CDKAL1: variants seen among roughly 807,000 people sequenced by gnomAD.
CDKAL1 encodes CDKAL1 threonylcarbamoyladenosine tRNA methylthiotransferase, also known as threonylcarbamoyladenosine tRNA methylthiotransferase.
A neutral mutation model predicts 68.2 loss-of-function variants in CDKAL1; 32 were observed. That is an observed-to-expected ratio of 0.47 (90% CI 0.35 to 0.63). The LOEUF (loss-of-function observed/expected upper bound fraction) is 0.63, where lower values mean the gene tolerates loss of function less well. CDKAL1 is among the 30% of genes least tolerant of loss of function. CDKAL1 has a pLI of 0.00. For missense variants in CDKAL1, 606 were observed against 696.7 expected (o/e 0.87, Z 1.47); for synonymous variants, 234 against 244.3 (o/e 0.96, Z 0.39).
chr6:20,783,444 C>A (rs1775519996), intron 8 of CDKAL1, among the ~76,000 whole-genome samples: 2 of 152,066 alleles, frequency 1.3e-5, no homozygotes. Context: ...TTTGTCACTC[C>A]CTACTTCACA....
chr6:20,969,032 T>C (rs1000748934), intron 10 of CDKAL1, among the ~76,000 whole-genome samples: 6 of 152,176 alleles, frequency 3.9e-5, no homozygotes, highest in Admixed American at 2.6e-4. Flanking sequence ...TTGAATAATA[T>C]AACGTGGCAG....
intron 13 of CDKAL1, among the ~76,000 whole-genome samples, chr6:21,151,703 A>G (rs1466333032): frequency 6.6e-6 from 1 of 152,132 alleles, no homozygotes; most frequent in Non-Finnish European, 1.5e-5. Flanking sequence ...TTTTTGGCAT[A>G]TATTCACATT....
intron 13 of CDKAL1, among the ~76,000 whole-genome samples, chr6:21,177,753 A>G (rs551434295): frequency 6.6e-6 from 1 of 152,176 alleles, no homozygotes; most frequent in South Asian, 2.1e-4. Flanking sequence ...AGGAAATTGA[A>G]GAATCATTAT....
At chr6:20,959,692 G>A (rs919346544) in intron 10 of CDKAL1, among the ~76,000 whole-genome samples, 4 of 151,956 alleles carry the variant, frequency 2.6e-5, no homozygotes, top group East Asian at 3.9e-4. Flanking sequence ...CTAATATATC[G>A]CCCCTGTAGT....
intron 10 of CDKAL1, among the ~76,000 whole-genome samples, chr6:20,992,732 T>C (rs1766897040): frequency 6.6e-6 from 1 of 151,594 alleles, no homozygotes. Context: ...TGAGACCCCG[T>C]CTCTAGGAAA....
intron 8 of CDKAL1, among the ~76,000 whole-genome samples, chr6:20,790,528 C>T (rs1207401685): frequency 6.6e-6 from 1 of 152,146 alleles, no homozygotes. Flanking sequence ...TTCGTGGCCA[C>T]TTTGCCAACC....
intron 9 of CDKAL1, among the ~76,000 whole-genome samples, chr6:20,922,502 G>A (rs781754709): frequency 4.6e-5 from 7 of 152,144 alleles, no homozygotes; most frequent in Admixed American, 1.3e-4. Context: ...GGATAGATAC[G>A]TGTATGGGTG....
chr6:21,185,436 T>A (rs1777970760), intron 13 of CDKAL1, among the ~76,000 whole-genome samples: 1 of 152,222 alleles, frequency 6.6e-6, no homozygotes, highest in Non-Finnish European at 1.5e-5. Context: ...CCTGGAAGAA[T>A]TTTTAAATTA....
intron 5 of CDKAL1, among the ~76,000 whole-genome samples, chr6:20,659,002 T>TA (rs1256059699): frequency 7.9e-5 from 12 of 151,272 alleles, no homozygotes; most frequent in African/African-American, 2.9e-4. Context: ...TTATTATTAT[T>TA]TTTTTTTAGT....
At chr6:20,727,413 G>T (rs1392539737) in intron 5 of CDKAL1, among the ~76,000 whole-genome samples, 1 of 152,122 alleles carries the variant, frequency 6.6e-6, no homozygotes, top group Non-Finnish European at 1.5e-5. Flanking sequence ...AGAATTTGGG[G>T]CTTATATCCC....
At chr6:20,568,833 T>C (rs180717671) in intron 4 of CDKAL1, among the ~76,000 whole-genome samples, 1 of 152,132 alleles carries the variant, frequency 6.6e-6, no homozygotes, top group Admixed American at 6.5e-5. Context: ...ATGCTGCCAC[T>C]CTGCCCCCTC....
At chr6:20,593,467 T>G (rs974143634) in intron 4 of CDKAL1, among the ~76,000 whole-genome samples, 10 of 152,202 alleles carry the variant, frequency 6.6e-5, no homozygotes, top group South Asian at 4.1e-4. Flanking sequence ...TAGAGATATT[T>G]ATAGTATTCT....
chr6:21,201,243 T>C lies in CDKAL1; in HGVS notation c.1517T>C (p.Leu506Pro), dbSNP rs1206805399. 1 of 1,611,196 alleles carries C rather than the reference T, an allele frequency of 6.2e-7. No individual in the cohort carries two copies. Among genetic ancestry groups the C allele is most frequent in the Non-Finnish European group, 8.5e-7 (1 of 1,177,754 alleles). Residue 506 changes from leucine (L) to proline (P), a missense_variant, in exon 15 of 16, where the codon CTA (leucine) becomes CCA (proline). Coordinates refer to ENST00000274695, the MANE Select transcript of CDKAL1 (RefSeq NM_017774.3). ...TACACGCCCTCCATCAGCAAACCGC[T>C]AGCAAAGGGAGAAGTCTCGGGTTTG... ...KVYTPSISKPLAKGEVSGLTK... is the reference protein window; with the variant it reads ...KVYTPSISKPPAKGEVSGLTK...
At position 20,999,889 on chromosome 6, in the gene CDKAL1, G is replaced by C. The variant is rs139416073; in HGVS notation, c.910-338G>C. Reference sequence around the variant, plus strand: ...TCCCACAAATGTAACAAGGCAGAATGTAAAACTCCTTGGAAGTGAAGTAGA... The same window carrying C: ...TCCCACAAATGTAACAAGGCAGAATCTAAAACTCCTTGGAAGTGAAGTAGA... On this transcript the variant is annotated intron_variant, in intron 10 of 15. Coordinates refer to ENST00000274695, the MANE Select transcript of CDKAL1 (RefSeq NM_017774.3). Among the ~76,000 whole-genome samples the C allele has an allele frequency of 1.6e-4, 24 of 152,268 alleles. No individual in the cohort carries two copies. The East Asian group carries it at 2.5e-3, about 16-fold the overall frequency.
At chr6:20,729,886 T>C (rs1772829022) in intron 5 of CDKAL1, among the ~76,000 whole-genome samples, 1 of 152,224 alleles carries the variant, frequency 6.6e-6, no homozygotes, top group Non-Finnish European at 1.5e-5. Flanking sequence ...TGTTTCCTTT[T>C]TGCTGCTACA....
chr6:20,709,077 G>A (rs940724893), intron 5 of CDKAL1, among the ~76,000 whole-genome samples: 21 of 151,504 alleles, frequency 1.4e-4, no homozygotes, highest in African/African-American at 3.4e-4. Context: ...TTTTTTTTAC[G>A]ACTGTATCCC....
At chr6:21,094,779 C>A (rs1773234443) in intron 12 of CDKAL1, among the ~76,000 whole-genome samples, 4 of 152,118 alleles carry the variant, frequency 2.6e-5, no homozygotes, top group Non-Finnish European at 1.5e-5. Flanking sequence ...ATACGCAAAT[C>A]TTTTAAATGA....
At chr6:21,030,902 G>A (rs1319255534) in intron 11 of CDKAL1, among the ~76,000 whole-genome samples, 4 of 152,020 alleles carry the variant, frequency 2.6e-5, no homozygotes, top group African/African-American at 7.3e-5. Flanking sequence ...AAGCTGACAG[G>A]GGTGCTGGTG....
At chr6:21,069,770 CTTTCTTTTTTTTT>C (rs1299936052) in intron 12 of CDKAL1, among the ~76,000 whole-genome samples, 59 of 42,280 alleles carry the variant, frequency 1.4e-3, no homozygotes, top group African/African-American at 3.0e-3. Context: ...CCCAGATTTT[CTTTCTTTTTTTTT>C]TTTTTTTTTT....
Sources: gnomAD v4.1 joint callset for allele counts (sites outside exome capture counted in the v4.1 genomes callset) on GRCh38, gnomAD v4.1.1 for gene constraint, MANE v1.5 for transcripts, NCBI Gene and HGNC (gene_info 2026-07-23, HGNC 2026-07-21) for gene names.